Variants in SYNE1 observed in about 807,000 individuals in gnomAD.
SYNE1 encodes the protein spectrin repeat containing nuclear envelope protein 1.
Under a neutral mutation model 1,111.0 loss-of-function variants are expected in SYNE1, and 616 were observed. That is an observed-to-expected ratio of 0.55 (90% CI 0.52 to 0.59). The LOEUF (loss-of-function observed/expected upper bound fraction) is 0.59. SYNE1 is among the 20% of genes least tolerant of loss of function. The probability of loss-of-function intolerance (pLI) is 0.00; values close to 1 mark genes in which losing one functional copy is unlikely to be tolerated. For synonymous variants in SYNE1, 3,855 were observed against 3,825.8 expected (o/e 1.01, Z -0.28); for missense variants, 10,006 against 10,417.0 (o/e 0.96, Z 1.72).
Position 152,329,892 on chromosome 6 carries a change from C to T in SYNE1, c.14793G>A (p.Gln4931=), listed in dbSNP as rs1296021792. 6.2e-7 allele frequency: 1 copy of T among 1,614,154 alleles called. No individual in the cohort carries two copies. The highest frequency in any genetic ancestry group is 1.3e-5 in the African/African-American group (1 of 75,022). Residue 4931 remains glutamine (Q), a synonymous_variant, in exon 78 of 146, where the codon CAG becomes CAA. Coordinates refer to ENST00000367255, the MANE Select transcript of SYNE1 (RefSeq NM_182961.4). ...TTCTCAAGCTGGACTGGACCTCTTC[C>T]TGATGAATTTGGATTTTTCTGATTT... The part of the protein sequence containing the change: ...QEEIRKIQIH[Q]EEVQSSLRIM...
intron 3 of SYNE1, among the ~76,000 whole-genome samples, chr6:152,561,233 A>G (rs1429403915): frequency 1.3e-5 from 2 of 152,212 alleles, no homozygotes; most frequent in Non-Finnish European, 2.9e-5. Flanking sequence ...GTACAAAATT[A>G]ACAAACAAAA....
At chr6:152,141,932 G>A (rs1014190674) in intron 138 of SYNE1, among the ~76,000 whole-genome samples, 7 of 152,174 alleles carry the variant, frequency 4.6e-5, no homozygotes, top group African/African-American at 7.2e-5. Context: ...TGAGCCAGGC[G>A]TGGTGGTGAG....
chr6:152,272,722 C>T (rs1329743073), intron 98 of SYNE1, among the ~76,000 whole-genome samples: 1 of 152,188 alleles, frequency 6.6e-6, no homozygotes, highest in African/African-American at 2.4e-5. Context: ...ATTACCATCT[C>T]CCAGCTTCAG....
intron 12 of SYNE1, among the ~76,000 whole-genome samples, chr6:152,485,839 G>A (rs2098936156): frequency 6.6e-6 from 1 of 152,166 alleles, no homozygotes; most frequent in African/African-American, 2.4e-5. Context: ...GGGGGAGATA[G>A]TGAACTAGAA....
chr6:152,287,822 C>T (rs928850026), intron 95 of SYNE1, among the ~76,000 whole-genome samples: 3 of 152,182 alleles, frequency 2.0e-5, no homozygotes, highest in African/African-American at 4.8e-5. Flanking sequence ...GCTGGGATTA[C>T]AGGCATGAGC....
chr6:152,410,813 T>C (rs78908710), intron 42 of SYNE1, among the ~76,000 whole-genome samples: 2,237 of 152,316 alleles, frequency 0.015, 54 homozygotes, highest in African/African-American at 0.051. Context: ...TAAAATTATG[T>C]GCACTAAGAT....
At chr6:152,399,908 C>T in intron 47 of SYNE1, 85 bp from the exon 48 acceptor site, 1 of 1,436,570 alleles carries the variant, frequency 7.0e-7, no homozygotes, top group Non-Finnish European at 9.7e-7. Context: ...GTTTTACAAT[C>T]TGAAATTGAC....
rs34974663 is a variant in SYNE1, at chr6:152,189,331, T to A, written c.23222A>T (p.Tyr7741Phe). 1 of 1,614,134 alleles carries A rather than the reference T, an allele frequency of 6.2e-7. No homozygotes were observed. The highest frequency in any genetic ancestry group is 2.2e-5 in the East Asian group (1 of 44,872). Residue 7741 changes from tyrosine to phenylalanine, a missense_variant, in exon 128 of 146, where the codon TAT (tyrosine) becomes TTT (phenylalanine). By Grantham distance (22) the Tyr-to-Phe change is conservative. Transcript: ENST00000367255. ...AATGGAGATATCATCAGCACTGATATAGGCAGAGAGGGTGTCCTTCAGCAG... is the reference window on the plus strand; with the variant it reads ...AATGGAGATATCATCAGCACTGATAAAGGCAGAGAGGGTGTCCTTCAGCAG... ...LSLLKDTLSAYISADDISILN... is the reference protein window; with the variant it reads ...LSLLKDTLSAFISADDISILN...
chr6:152,248,552 C>A (rs975224683), intron 105 of SYNE1, among the ~76,000 whole-genome samples: 2 of 151,958 alleles, frequency 1.3e-5, no homozygotes, highest in South Asian at 2.1e-4. Flanking sequence ...ATTCAACAGG[C>A]CCTACAAACT....
At chr6:152,428,964 C>T (rs551702845) in intron 36 of SYNE1, among the ~76,000 whole-genome samples, 14 of 151,960 alleles carry the variant, frequency 9.2e-5, no homozygotes, top group African/African-American at 2.9e-4. Flanking sequence ...TCATTTTATG[C>T]TAAATACGTA....
At position 152,329,929 on chromosome 6, in the gene SYNE1, T is replaced by C. The variant is rs2096205614; in HGVS notation, c.14756A>G (p.Asp4919Gly). 6.2e-7 allele frequency: 1 copy of C among 1,614,222 alleles called. No individual in the cohort carries two copies. The highest frequency in any genetic ancestry group is 8.5e-7 in the Non-Finnish European group (1 of 1,180,046). The change falls in exon 78 of 146, where the codon GAC (aspartate) becomes GGC (glycine). Residue 4919 changes from aspartate (D) to glycine (G), a missense_variant. Coordinates refer to ENST00000367255, the MANE Select transcript of SYNE1 (RefSeq NM_182961.4). ...GATTTTTCTGATTTCCTCTTGGATGTCCTGCAGGTTGAGGTCTAGGTACAC... is the reference window on the plus strand; with the variant it reads ...GATTTTTCTGATTTCCTCTTGGATGCCCTGCAGGTTGAGGTCTAGGTACAC... ...GPVYLDLNLQ[D>G]IQEEIRKIQI...
chr6:152,518,992 T>TG (rs1005359243), intron 6 of SYNE1, among the ~76,000 whole-genome samples: 1 of 132,476 alleles, frequency 7.5e-6, no homozygotes, highest in Non-Finnish European at 1.6e-5. Flanking sequence ...TGTTGTAGGG[T>TG]GGGGGGAGGG....
intron 6 of SYNE1, among the ~76,000 whole-genome samples, chr6:152,518,500 A>G (rs2099123724): frequency 1.3e-5 from 2 of 151,902 alleles, no homozygotes; most frequent in Admixed American, 6.6e-5. Context: ...TCCTTCCGCC[A>G]TGATTGTAAG....
chr6:152,355,108 A>C (rs2096812038), intron 66 of SYNE1, 132 bp from the exon 67 acceptor site: 1 of 922,674 alleles, frequency 1.1e-6, no homozygotes, highest in Admixed American at 2.1e-5. Flanking sequence ...ATTATGCCCT[A>C]TACAAAAATA....
At chr6:152,205,073 A>G (rs1014054142) in intron 126 of SYNE1, among the ~76,000 whole-genome samples, 4 of 152,096 alleles carry the variant, frequency 2.6e-5, no homozygotes, top group Non-Finnish European at 4.4e-5. Flanking sequence ...ATTGCTTACT[A>G]CACAGAAGGC....
chr6:152,571,463 G>A (rs17082807), intron 3 of SYNE1, among the ~76,000 whole-genome samples: 11,620 of 152,178 alleles, frequency 0.076, 567 homozygotes, highest in African/African-American at 0.14. Flanking sequence ...GTAGCACCAC[G>A]AAATTTAGAG....
chr6:152,479,208 C>T (rs1295381400), intron 14 of SYNE1, among the ~76,000 whole-genome samples: 1 of 151,954 alleles, frequency 6.6e-6, no homozygotes, highest in Non-Finnish European at 1.5e-5. Context: ...AGGTCAAGAA[C>T]CTGAGAGGTC....
intron 24 of SYNE1, 58 bp downstream of exon 24, chr6:152,455,368 C>T (rs1564150176): frequency 1.9e-6 from 3 of 1,563,318 alleles, no homozygotes; most frequent in East Asian, 4.5e-5. Flanking sequence ...TTTAAGCTTT[C>T]CTCCAAGGTT....
At chr6:152,333,308 A>C (rs1467524129) in intron 77 of SYNE1, among the ~76,000 whole-genome samples, 1 of 152,194 alleles carries the variant, frequency 6.6e-6, no homozygotes, top group Non-Finnish European at 1.5e-5. Flanking sequence ...AAAAAACCTG[A>C]CTGAATTACA....
Sources: gnomAD v4.1 joint callset for allele counts (sites outside exome capture counted in the v4.1 genomes callset) on GRCh38, gnomAD v4.1.1 for gene constraint, MANE v1.5 for transcripts, NCBI Gene and HGNC (gene_info 2026-07-23, HGNC 2026-07-21) for gene names.